RGL1: variants seen among roughly 807,000 people sequenced by gnomAD.
RGL1 encodes ral guanine nucleotide dissociation stimulator-like 1.
RGL1 carries 24 observed loss-of-function variants against 95.2 expected under a neutral mutation model. The ratio of observed to expected loss-of-function variants is 0.25; its 90% CI spans 0.18 to 0.35. RGL1 has a LOEUF of 0.35. Ranked by LOEUF, RGL1 falls within the 10% of genes least tolerant of loss-of-function variation. The pLI, the probability that RGL1 is intolerant of heterozygous loss-of-function variation, is 1.00. For missense variants in RGL1, 715 were observed against 936.3 expected (o/e 0.76, Z 3.08); for synonymous variants, 329 against 344.9 (o/e 0.95, Z 0.51).
intron 16 of RGL1, 61 bp from the exon 17 acceptor site, chr1:183,922,161 G>A: frequency 7.4e-7 from 1 of 1,358,658 alleles, no homozygotes; most frequent in African/African-American, 1.4e-5. Flanking sequence ...AGAGGGTCAG[G>A]AGAACTCCCT....
intron 1 of RGL1, among the ~76,000 whole-genome samples, chr1:183,642,881 C>T (rs1650020536): frequency 6.6e-6 from 1 of 152,154 alleles, no homozygotes; most frequent in African/African-American, 2.4e-5. Context: ...ACAACTATTA[C>T]CAACATCCAT....
At chr1:183,894,391 TTC>T (rs1197023133) in intron 9 of RGL1, among the ~76,000 whole-genome samples, 4 of 152,238 alleles carry the variant, frequency 2.6e-5, no homozygotes, top group Non-Finnish European at 5.9e-5. Flanking sequence ...ATGACTCAAA[TTC>T]CAAAGAAATG....
intron 5 of RGL1, among the ~76,000 whole-genome samples, chr1:183,882,212 G>A (rs1666862961): frequency 6.6e-6 from 1 of 152,236 alleles, no homozygotes; most frequent in Non-Finnish European, 1.5e-5. Context: ...TGAAGGCATG[G>A]ACTATGCCCC....
chr1:183,914,597 A>G (rs1426354521), intron 15 of RGL1, among the ~76,000 whole-genome samples: 1 of 152,186 alleles, frequency 6.6e-6, no homozygotes, highest in African/African-American at 2.4e-5. Flanking sequence ...CACAGGCTGC[A>G]CTGTGAGGTT....
rs777221106 is a variant in RGL1, at chr1:183,907,096, C to T, written c.1557C>T (p.Leu519=). 4.8e-5 allele frequency: 77 copies of T among 1,603,318 alleles called. No individual in the cohort carries two copies. The East Asian group carries it at 1.5e-3, about 30-fold the overall frequency. The part of the protein sequence containing the change: ...PKPRKSMVKR[L]SLLFLGSDMI... ...CTCGGAAGAGCATGGTGAAGAGACT[C>T]AGCCTGTGAGTGTCCCCTGGGGGTT... is the stretch of plus-strand genomic sequence containing the variant. Residue 519 remains leucine (L), a synonymous_variant, in exon 14 of 18, where the codon CTC becomes CTT. Transcript: ENST00000360851.
At chr1:183,907,392 G>GT (rs148826550) in intron 14 of RGL1, among the ~76,000 whole-genome samples, 41,306 of 151,758 alleles carry the variant, frequency 0.27, 5,878 homozygotes, top group Non-Finnish European at 0.3. Context: ...TAAATAGCTA[G>GT]GTTGTCTTTT....
chr1:183,892,511 T>C (rs1288941862), intron 9 of RGL1, among the ~76,000 whole-genome samples: 1 of 152,156 alleles, frequency 6.6e-6, no homozygotes, highest in Non-Finnish European at 1.5e-5. Flanking sequence ...CAGCAAAACA[T>C]CTAGAATGAC....
intron 2 of RGL1, among the ~76,000 whole-genome samples, chr1:183,764,813 C>T (rs1302245984): frequency 1.3e-5 from 2 of 152,180 alleles, no homozygotes. Context: ...CCACTACTTC[C>T]ACCAAAGACA....
chr1:183,725,321 A>C (rs992079856), intron 1 of RGL1, among the ~76,000 whole-genome samples: 1 of 152,194 alleles, frequency 6.6e-6, no homozygotes, highest in South Asian at 2.1e-4. Context: ...TTTATAAAGG[A>C]AAGAGGTTTA....
chr1:183,681,904 G>A (rs914100430), intron 1 of RGL1, among the ~76,000 whole-genome samples: 3 of 152,166 alleles, frequency 2.0e-5, no homozygotes, highest in Non-Finnish European at 2.9e-5. Flanking sequence ...TTAGTCTTGG[G>A]AGGGTGTATG....
At chr1:183,690,708 G>C (rs567857913) in intron 1 of RGL1, among the ~76,000 whole-genome samples, 1 of 149,072 alleles carries the variant, frequency 6.7e-6, no homozygotes, top group African/African-American at 2.5e-5. Flanking sequence ...AAAATTGTTA[G>C]TGCTAGAAAG....
At chr1:183,680,297 T>G (rs931605956) in intron 1 of RGL1, among the ~76,000 whole-genome samples, 1 of 152,226 alleles carries the variant, frequency 6.6e-6, no homozygotes, top group African/African-American at 2.4e-5. Context: ...TTCCCATGCC[T>G]GTGTCCTGAA....
At chr1:183,902,702 C>A in intron 12 of RGL1, 102 bp downstream of exon 12, 2 of 1,079,962 alleles carry the variant, frequency 1.9e-6, no homozygotes, top group Non-Finnish European at 2.8e-6. Context: ...AATGAGTTAG[C>A]ACCTACTGAA....
chr1:183,774,567 T>C lies in RGL1; in HGVS notation c.133-31808T>C, dbSNP rs530546147. Among the ~76,000 whole-genome samples, 267 of 116,756 alleles carry C rather than the reference T, an allele frequency of 2.3e-3. 6 individuals are homozygous for C. In the East Asian group the frequency reaches 0.06, roughly 26 times the overall value. 76.6% of individuals were successfully genotyped at this position (116,756 alleles called of 152,430 possible). A position where few individuals can be genotyped will look rare whatever the true frequency, so the allele number is the denominator to read the frequency against. ...GCTTGAAACTTACATTTGTTATTTC[T>C]TTTTTCCTTTTTTTTTTTTTTTTTT... is the stretch of plus-strand genomic sequence containing the variant. On this transcript the variant is annotated intron_variant, in intron 2 of 18. Coordinates refer to the RGL1 transcript ENST00000304685.
chr1:183,884,933 G>T lies in RGL1; in HGVS notation c.946G>T (p.Ala316Ser). ...AATCATTGAGAAGTGGATCAACATC[G>T]CTCATGTAATTGTCTTTTATAAAAT... ...AKIIEKWINI[A>S]HECRLLKNFS... is the part of the protein sequence containing the mutation. Residue 316 changes from alanine to serine, a missense_variant, in exon 7 of 18, where the codon GCT (alanine) becomes TCT (serine). Physicochemically the swap from Ala to Ser is moderately conservative, Grantham distance 99 (BLOSUM62 1). Coordinates refer to ENST00000360851, the MANE Select transcript of RGL1 (RefSeq NM_001297671.3). The T allele has an allele frequency of 3.7e-6, 6 of 1,612,774 alleles. No individual in the cohort carries two copies. The highest frequency in any genetic ancestry group is 5.1e-6 in the Non-Finnish European group (6 of 1,178,924).
chr1:183,740,679 C>T (rs1010242807), intron 1 of RGL1, among the ~76,000 whole-genome samples: 4 of 152,058 alleles, frequency 2.6e-5, no homozygotes, highest in African/African-American at 9.7e-5. Context: ...GAATGTTAGA[C>T]TTATCCCTTT....
intron 17 of RGL1, among the ~76,000 whole-genome samples, chr1:183,925,844 G>A (rs1669584542): frequency 6.6e-6 from 1 of 152,008 alleles, no homozygotes; most frequent in Non-Finnish European, 1.5e-5. Flanking sequence ...TTTTTTTCTA[G>A]TTTTAACATT....
chr1:183,695,114 T>C (rs546218082), intron 1 of RGL1, among the ~76,000 whole-genome samples: 3 of 152,362 alleles, frequency 2.0e-5, no homozygotes, highest in South Asian at 2.1e-4. Flanking sequence ...ACACAGTTCA[T>C]GTGTGGAGTC....
chr1:183,844,853 T>C (rs1263640987), intron 2 of RGL1, among the ~76,000 whole-genome samples: 1 of 152,198 alleles, frequency 6.6e-6, no homozygotes, highest in Non-Finnish European at 1.5e-5. Context: ...CCTAGAAAAC[T>C]TTCAGAAATT....
Sources: gnomAD v4.1 joint callset for allele counts (sites outside exome capture counted in the v4.1 genomes callset) on GRCh38, gnomAD v4.1.1 for gene constraint, MANE v1.5 for transcripts, NCBI Gene and HGNC (gene_info 2026-07-23, HGNC 2026-07-21) for gene names.